The following FOXJ3 variants were observed in gnomAD, a reference collection of about 807,000 sequenced individuals.
FOXJ3 encodes the protein forkhead box protein J3.
In FOXJ3, 22 loss-of-function variants were observed where a neutral mutation model predicts 76.1. The observed-to-expected ratio is 0.29, with a 90% CI of 0.21 to 0.41. The LOEUF (loss-of-function observed/expected upper bound fraction) is 0.41. Among genes scored for constraint, FOXJ3 ranks in the 10% least tolerant of loss-of-function variants. FOXJ3 has a pLI of 1.00. For synonymous variants in FOXJ3, 269 were observed against 261.2 expected, an observed-to-expected ratio of 1.03 and a Z score of -0.29; for missense variants, 613 against 762.1, an observed-to-expected ratio of 0.80 and a Z score of 2.30.
intron 5 of FOXJ3, among the ~76,000 whole-genome samples, chr1:42,224,049 G>C (rs1647352306): frequency 6.6e-6 from 1 of 152,178 alleles, no homozygotes; most frequent in African/African-American, 2.4e-5. Context: ...CATAAATTCA[G>C]CATAATCTTC....
Position 42,278,615 on chromosome 1 carries a change from G to A in FOXJ3, c.102C>T (p.Thr34=), listed in dbSNP as rs756251221. ...CAGATTTTTGGATGGCTGCTCTCAT[G>A]GTGAGCTGTGGTAACCAGTCCATAG... is the stretch of plus-strand genomic sequence containing the variant. ...LTSMDWLPQL[T]MRAAIQKSDA... The change falls in exon 3 of 13, where the codon ACC becomes ACT. Residue 34 remains threonine (T), a synonymous_variant. Transcript: ENST00000361346. 1.2e-6 allele frequency: 2 copies of A among 1,614,084 alleles called. No individual in the cohort carries two copies.
rs1173675564 is a variant in FOXJ3 at position 42,244,736 on chromosome 1, C to CT, written c.445-16771_445-16770insA. 6.5e-4 allele frequency among the ~76,000 whole-genome samples: 99 copies of CT among 151,450 alleles called. 1 individual carries two copies. Among genetic ancestry groups the CT allele is most frequent in the Non-Finnish European group, 1.9e-4 (13 of 67,936 alleles). ...CAACTGACATCACAGAAATACAGAT[C>CT]ATCAGACTATTATGAACAACTAGAT... is the stretch of plus-strand genomic sequence containing the variant. On this transcript the variant is annotated intron_variant, in intron 4 of 12. Coordinates refer to ENST00000361346, the MANE Select transcript of FOXJ3 (RefSeq NM_014947.5).
At chr1:42,202,109 C>A (rs1646775593) in intron 6 of FOXJ3, among the ~76,000 whole-genome samples, 1 of 151,890 alleles carries the variant, frequency 6.6e-6, no homozygotes, top group Non-Finnish European at 1.5e-5. Flanking sequence ...TAGCACCTTT[C>A]TGTTTTTTCA....
intron 5 of FOXJ3, among the ~76,000 whole-genome samples, chr1:42,226,871 A>G (rs954598232): frequency 6.6e-6 from 1 of 152,234 alleles, no homozygotes; most frequent in Non-Finnish European, 1.5e-5. Flanking sequence ...TTGAGGCTCA[A>G]AAGTTTTAAC....
intron 3 of FOXJ3, among the ~76,000 whole-genome samples, chr1:42,274,408 T>G (rs892164348): frequency 1.3e-5 from 2 of 152,196 alleles, no homozygotes; most frequent in African/African-American, 2.4e-5. Flanking sequence ...AAAATTAAAT[T>G]TATTAAGTAT....
At chr1:42,200,324 A>T (rs940714573) in intron 6 of FOXJ3, among the ~76,000 whole-genome samples, 2 of 152,152 alleles carry the variant, frequency 1.3e-5, no homozygotes, top group Non-Finnish European at 2.9e-5. Context: ...TCCTTGTTAC[A>T]AGGCCTTGTT....
At chr1:42,210,569 G>GT (rs1436930737) in intron 5 of FOXJ3, among the ~76,000 whole-genome samples, 2 of 152,126 alleles carry the variant, frequency 1.3e-5, no homozygotes, top group East Asian at 3.9e-4. Flanking sequence ...GTCATTGCCT[G>GT]TATCACCCTG....
intron 1 of FOXJ3, among the ~76,000 whole-genome samples, chr1:42,317,293 T>C (rs1325929981): frequency 6.6e-6 from 1 of 151,950 alleles, no homozygotes; most frequent in South Asian, 2.1e-4. Flanking sequence ...TCAACCCAAA[T>C]AGAAGAACTG....
intron 3 of FOXJ3, among the ~76,000 whole-genome samples, chr1:42,273,398 G>A (rs568301265): frequency 1.3e-5 from 2 of 152,092 alleles, no homozygotes; most frequent in African/African-American, 4.8e-5. Context: ...TGAGGACCAG[G>A]CGTGGTGGCT....
In FOXJ3 at chr1:42,222,055, A is replaced by G. The variant is rs1697582; in HGVS notation, c.528+5828T>C. Among the ~76,000 whole-genome samples the G allele has an allele frequency of 7.5e-5, 7 of 93,806 alleles. 1 individual carries two copies. Among genetic ancestry groups the G allele is most frequent in the Admixed American group, 2.0e-4 (2 of 9,978 alleles). The allele number at this position is 93,806 out of a possible 152,430, so 61.5% of individuals were successfully genotyped here. On this transcript the variant is annotated intron_variant, in intron 5 of 12. Coordinates refer to ENST00000361346, the MANE Select transcript of FOXJ3 (RefSeq NM_014947.5). ...GGAGGAGAAGGAGAAGGAGAAGAAG[A>G]AGAAGAAGAAGAAGAAGAAGAAGAA... is the stretch of plus-strand genomic sequence containing the variant.
At chr1:42,208,175 G>A (rs12024662) in intron 5 of FOXJ3, among the ~76,000 whole-genome samples, 5 of 152,172 alleles carry the variant, frequency 3.3e-5, no homozygotes, top group East Asian at 3.9e-4. Context: ...CATGTAAAGC[G>A]CTTAGCATGG....
Position 42,191,467 on chromosome 1 carries a change from CGCTGCGGAT to C in FOXJ3, c.1178_1186del (p.His393_Gln395del), listed in dbSNP as rs777214776. 3 of 1,613,170 alleles carry C rather than the reference CGCTGCGGAT, an allele frequency of 1.9e-6. No individual in the cohort carries two copies. Among genetic ancestry groups the C allele is most frequent in the Admixed American group, 1.7e-5 (1 of 59,966 alleles). The stretch of plus-strand genomic sequence containing the variant: ...TGGGTGTGGTGCTGGGTGTGGGGAA[CGCTGCGGAT>C]GCTGCGGTAAACCATGCGGTCGATG... On this transcript the variant is annotated inframe_deletion, in exon 9 of 13. Transcript: ENST00000361346.
At chr1:42,225,020 G>GT (rs1332330134) in intron 5 of FOXJ3, among the ~76,000 whole-genome samples, 2 of 151,562 alleles carry the variant, frequency 1.3e-5, no homozygotes, top group African/African-American at 2.4e-5. Context: ...AGAGGCTGCA[G>GT]TAAGCCAGCA....
intron 11 of FOXJ3, among the ~76,000 whole-genome samples, chr1:42,185,627 T>C (rs1165418570): frequency 1.3e-5 from 2 of 152,046 alleles, no homozygotes; most frequent in African/African-American, 4.8e-5. Context: ...CAGTGCCCAA[T>C]ACAAAGCTAG....
chr1:42,296,660 A>G (rs2124719926), intron 2 of FOXJ3, among the ~76,000 whole-genome samples: 1 of 152,242 alleles, frequency 6.6e-6, no homozygotes, highest in Non-Finnish European at 1.5e-5. Context: ...TGTTCCACTG[A>G]TCTCTATGCA....
intron 2 of FOXJ3, among the ~76,000 whole-genome samples, chr1:42,283,481 G>T (rs1361714681): frequency 6.6e-6 from 1 of 152,124 alleles, no homozygotes; most frequent in East Asian, 1.9e-4. Context: ...TGTAGCAAAG[G>T]CTTACTCAGA....
intron 4 of FOXJ3, among the ~76,000 whole-genome samples, chr1:42,250,950 C>T (rs1297644465): frequency 6.6e-6 from 1 of 151,272 alleles, no homozygotes; most frequent in African/African-American, 2.4e-5. Context: ...CTCTCAAGGA[C>T]TTGTGAAAAA....
intron 4 of FOXJ3, among the ~76,000 whole-genome samples, chr1:42,255,015 T>TAC (rs1034465540): frequency 5.3e-5 from 8 of 151,856 alleles, no homozygotes; most frequent in African/African-American, 1.7e-4. Context: ...GATGGAAACT[T>TAC]AGATTTCTAG....
intron 6 of FOXJ3, among the ~76,000 whole-genome samples, chr1:42,204,380 T>C (rs1386143641): frequency 6.6e-6 from 1 of 152,096 alleles, no homozygotes; most frequent in Non-Finnish European, 1.5e-5. Context: ...TTCTGTCATA[T>C]CTGGATGCAG....
Sources: gnomAD v4.1 joint callset for allele counts (sites outside exome capture counted in the v4.1 genomes callset) on GRCh38, gnomAD v4.1.1 for gene constraint, MANE v1.5 for transcripts, NCBI Gene and HGNC (gene_info 2026-07-23, HGNC 2026-07-21) for gene names.